C14orf132: variants seen among roughly 807,000 people sequenced by gnomAD.
The protein encoded by C14orf132 is chromosome 14 open reading frame 132, also known as uncharacterized protein C14orf132.
Under a neutral mutation model 5.8 loss-of-function variants are expected in C14orf132, and 6 were observed. That is an observed-to-expected ratio of 1.03 (90% CI 0.57 to 2.04). C14orf132 has a LOEUF of 2.04. Among genes scored for constraint, C14orf132 ranks in the 30% most tolerant of loss-of-function variants. The pLI is 0.00. For missense variants in C14orf132, 125 were observed against 115.8 expected, an observed-to-expected ratio of 1.08 and a Z score of -0.37; for synonymous variants, 51 against 49.8, an observed-to-expected ratio of 1.02 and a Z score of -0.10.
At position 96,049,630 on chromosome 14, in the gene C14orf132, ACATATATACG is replaced by A. The variant is rs1174574894; in HGVS notation, c.27+10104_27+10113del. Among the ~76,000 whole-genome samples, 132 of 78,486 alleles carry A rather than the reference ACATATATACG, an allele frequency of 1.7e-3. 7 individuals are homozygous for A. Among genetic ancestry groups the A allele is most frequent in the African/African-American group, 2.8e-3 (45 of 16,108 alleles). The allele number at this position is 78,486 out of a possible 152,430, so 51.5% of individuals were successfully genotyped here. On this transcript the variant is annotated intron_variant, in intron 1 of 1. Coordinates refer to ENST00000555004, the MANE Select transcript of C14orf132 (RefSeq NM_001252507.3). ...TATATACATATATACGTATATATAT[ACATATATACG>A]TATATATATATATAGAGAGAGAGAG...
At chr14:96,047,538 C>G (rs560229114) in intron 1 of C14orf132, among the ~76,000 whole-genome samples, 40 of 152,160 alleles carry the variant, frequency 2.6e-4, no homozygotes, top group Non-Finnish European at 5.4e-4. Flanking sequence ...TACCATTCAA[C>G]AGATGCCTTT....
chr14:96,063,009 A>G (rs1170092585), intron 1 of C14orf132, among the ~76,000 whole-genome samples: 1 of 152,198 alleles, frequency 6.6e-6, no homozygotes, highest in Admixed American at 6.5e-5. Flanking sequence ...AGAGTCACAA[A>G]AAGAGTGGAT....
chr14:96,072,125 C>T (rs1490921918), intron 1 of C14orf132, among the ~76,000 whole-genome samples: 1 of 152,220 alleles, frequency 6.6e-6, no homozygotes, highest in Non-Finnish European at 1.5e-5. Context: ...CTCAGGGAGC[C>T]GTGCCCACGC....
In C14orf132 at chr14:96,040,246, A is replaced by G. The variant is rs138834801; in HGVS notation, c.27+719A>G. On this transcript the variant is annotated intron_variant, in intron 1 of 1. Transcript: ENST00000555004. Reference sequence around the variant, plus strand: ...AGTTCTGAGCTTGGGTGATGATTCTATTTCTGTGCCTTAACTCTCTTGAGC... The same window carrying G: ...AGTTCTGAGCTTGGGTGATGATTCTGTTTCTGTGCCTTAACTCTCTTGAGC... 2.9e-3 allele frequency: 1,158 copies of G among 394,896 alleles called. 8 individuals carry two copies. Among genetic ancestry groups the G allele is most frequent in the African/African-American group, 0.022 (1,054 of 48,328 alleles). The allele number at this position is 394,896 out of a possible 1,614,324, so 24.5% of individuals were successfully genotyped here. A position where few individuals can be genotyped will look rare whatever the true frequency, so the allele number is the denominator to read the frequency against.
At position 96,090,773 on chromosome 14, in the gene C14orf132, G is replaced by A. The variant is rs1888372831; in HGVS notation, c.*4038G>A. The A allele has an allele frequency of 2.2e-6, 1 of 455,988 alleles. No individual in the cohort carries two copies. Among genetic ancestry groups the A allele is most frequent in the Admixed American group, 2.3e-5 (1 of 42,562 alleles). The allele number at this position is 455,988 out of a possible 1,614,324, so 28.2% of individuals were successfully genotyped here. On this transcript the variant is annotated 3_prime_UTR_variant, in exon 2 of 2. Coordinates refer to ENST00000555004, the MANE Select transcript of C14orf132 (RefSeq NM_001252507.3). ...TTTTCCAGCCCCGGTTCAGCTGGAA[G>A]GCTTGGAGGCTGGCCAGACCACTCT...
chr14:96,083,775 GCT>G (rs1275774980), intron 1 of C14orf132, among the ~76,000 whole-genome samples: 3 of 152,200 alleles, frequency 2.0e-5, no homozygotes, highest in East Asian at 3.9e-4. Flanking sequence ...GTTGTTTTCA[GCT>G]ACTGTGCTTG....
chr14:96,039,614 G>T lies in C14orf132; in HGVS notation c.27+87G>T, dbSNP rs1595162651. ...GTCTCGCCCTCCACGCTGGGGCTGG[G>T]CAGTGGCGCCCGCCCGCGATCCGCG... On this transcript the variant is annotated intron_variant, in intron 1 of 1. Coordinates refer to ENST00000555004, the MANE Select transcript of C14orf132 (RefSeq NM_001252507.3). The surrounding 1 kb of genome is among the most constrained non-coding windows in gnomAD (Gnocchi z 5.3). 2 of 1,307,290 alleles carry T rather than the reference G, an allele frequency of 1.5e-6. No individual in the cohort carries two copies. Among genetic ancestry groups the T allele is most frequent in the South Asian group, 3.3e-5 (2 of 60,894 alleles). The allele number at this position is 1,307,290 out of a possible 1,614,324, so 81.0% of individuals were successfully genotyped here. A position where few individuals can be genotyped will look rare whatever the true frequency, so the allele number is the denominator to read the frequency against.
intron 1 of C14orf132, among the ~76,000 whole-genome samples, chr14:96,062,378 A>G (rs1333937920): frequency 6.6e-6 from 1 of 152,156 alleles, no homozygotes; most frequent in Non-Finnish European, 1.5e-5. Context: ...TGAGATGAGC[A>G]TCACCAGCTC....
chr14:96,069,165 C>T (rs1174964929), intron 1 of C14orf132, among the ~76,000 whole-genome samples: 1 of 73,426 alleles, frequency 1.4e-5, no homozygotes, highest in Non-Finnish European at 2.9e-5. Flanking sequence ...TAATAAATCT[C>T]TTCATATATA....
rs550422664 is a variant in C14orf132, at chr14:96,082,782, G to A, written c.28-3729G>A. On this transcript the variant is annotated intron_variant, in intron 1 of 1. Transcript: ENST00000555004. ...GTCCTACAAGGACGACAGAGGGAAGGAATATTGGTAATCATTGCGTAACTG... is the reference window on the plus strand; with the variant it reads ...GTCCTACAAGGACGACAGAGGGAAGAAATATTGGTAATCATTGCGTAACTG... Among the ~76,000 whole-genome samples, 297 of 152,340 alleles carry A rather than the reference G, an allele frequency of 1.9e-3. 2 individuals are homozygous for A. Among genetic ancestry groups the A allele is most frequent in the Admixed American group, 2.9e-3 (44 of 15,300 alleles).
At chr14:96,043,235 C>T (rs556794730) in intron 1 of C14orf132, among the ~76,000 whole-genome samples, 4 of 152,216 alleles carry the variant, frequency 2.6e-5, no homozygotes, top group South Asian at 2.1e-4. Context: ...CACTTGGGCC[C>T]GTTGGGATGC....
At chr14:96,068,279 G>T (rs1887593379) in intron 1 of C14orf132, among the ~76,000 whole-genome samples, 2 of 152,210 alleles carry the variant, frequency 1.3e-5, no homozygotes, top group African/African-American at 2.4e-5. Flanking sequence ...CCAGTTCTCT[G>T]CAGGATGTCA....
chr14:96,050,466 T>C (rs1201716855), intron 1 of C14orf132, among the ~76,000 whole-genome samples: 1 of 152,144 alleles, frequency 6.6e-6, no homozygotes, highest in Non-Finnish European at 1.5e-5. Flanking sequence ...CCAGGCACTA[T>C]TTTCTATAAT....
rs1163864055 is a variant in C14orf132 at position 96,090,643 on chromosome 14, C to G, written c.*3908C>G. On this transcript the variant is annotated 3_prime_UTR_variant, in exon 2 of 2. Coordinates refer to ENST00000555004, the MANE Select transcript of C14orf132 (RefSeq NM_001252507.3). Reference sequence around the variant, plus strand: ...AAATAAGACTCCCTGCTCCACTCTACCCCCCAGAGAGAAATGATTCTCGCT... The same window carrying G: ...AAATAAGACTCCCTGCTCCACTCTAGCCCCCAGAGAGAAATGATTCTCGCT... 1 of 455,900 alleles carries G rather than the reference C, an allele frequency of 2.2e-6. No homozygotes were observed. Among genetic ancestry groups the G allele is most frequent in the Non-Finnish European group, 4.4e-6 (1 of 226,796 alleles). The allele number at this position is 455,900 out of a possible 1,614,324, so 28.2% of individuals were successfully genotyped here.
chr14:96,054,837 C>A (rs1019288837), intron 1 of C14orf132, among the ~76,000 whole-genome samples: 1 of 152,158 alleles, frequency 6.6e-6, no homozygotes, highest in Admixed American at 6.5e-5. Context: ...AATCTATTAC[C>A]TCCTTGGATC....
intron 1 of C14orf132, among the ~76,000 whole-genome samples, chr14:96,085,281 C>T (rs1888148918): frequency 6.6e-6 from 1 of 152,208 alleles, no homozygotes; most frequent in Non-Finnish European, 1.5e-5. Flanking sequence ...CGATGCAGGC[C>T]TCACTGTGTC....
rs1401352966 is a variant in C14orf132 at position 96,091,698 on chromosome 14, G to A, written c.*4963G>A. The A allele has an allele frequency of 6.5e-6, 1 of 152,898 alleles. No homozygotes were observed. The highest frequency in any genetic ancestry group is 1.5e-5 in the Non-Finnish European group (1 of 68,608). The allele number at this position is 152,898 out of a possible 1,614,324, so 9.5% of individuals were successfully genotyped here. A position where few individuals can be genotyped will look rare whatever the true frequency, so the allele number is the denominator to read the frequency against. On this transcript the variant is annotated 3_prime_UTR_variant, in exon 2 of 2. Transcript: ENST00000555004. ...GAGCCAAAGGGAACAGCCAGATCCTGAATGTTCTATGTTCACCTGCCCCAG... is the reference window on the plus strand; with the variant it reads ...GAGCCAAAGGGAACAGCCAGATCCTAAATGTTCTATGTTCACCTGCCCCAG...
intron 1 of C14orf132, among the ~76,000 whole-genome samples, chr14:96,048,726 A>T (rs1277947896): frequency 1.3e-5 from 2 of 151,876 alleles, no homozygotes; most frequent in Non-Finnish European, 2.9e-5. Flanking sequence ...GGGTTTTACC[A>T]TGTTGGCCAG....
intron 1 of C14orf132, among the ~76,000 whole-genome samples, chr14:96,057,564 A>C (rs186431537): frequency 6.7e-4 from 102 of 152,326 alleles, no homozygotes; most frequent in African/African-American, 2.2e-3. Context: ...GTTCAGGCTG[A>C]AGGAGCTCAT....
Sources: allele counts gnomAD v4.1 joint callset (sites outside exome capture counted in the v4.1 genomes callset), GRCh38; gene constraint gnomAD v4.1.1; non-coding constraint Gnocchi (gnomAD v3.1); transcripts MANE v1.5; gene names NCBI Gene and HGNC (gene_info 2026-07-23, HGNC 2026-07-21).